SFT2D2: variants seen among roughly 807,000 people sequenced by gnomAD.
The protein encoded by SFT2D2 is SFT2 domain containing 2.
In SFT2D2, 21 loss-of-function variants were observed where a neutral mutation model predicts 27.4. The ratio of observed to expected loss-of-function variants is 0.77; its 90% CI spans 0.54 to 1.10. SFT2D2 has a LOEUF of 1.10. Among genes scored for constraint, SFT2D2 ranks in the 50% least tolerant of loss-of-function variants. SFT2D2 has a pLI of 0.00. For synonymous variants in SFT2D2, 72 were observed against 71.7 expected, an observed-to-expected ratio of 1.00 and a Z score of -0.02; for missense variants, 187 against 194.2, an observed-to-expected ratio of 0.96 and a Z score of 0.22.
chr1:168,235,481 T>A (rs1394689210), intron 4 of SFT2D2, among the ~76,000 whole-genome samples: 1 of 152,190 alleles, frequency 6.6e-6, no homozygotes, highest in Non-Finnish European at 1.5e-5. Context: ...CTCAGACACC[T>A]TCCTGGTGAC....
At chr1:168,238,398 G>A (rs1296450426) in intron 6 of SFT2D2, among the ~76,000 whole-genome samples, 1 of 152,096 alleles carries the variant, frequency 6.6e-6, no homozygotes, top group Non-Finnish European at 1.5e-5. Flanking sequence ...GGCTCACACT[G>A]TAATGCCAAG....
In SFT2D2 at chr1:168,242,651, C is replaced by T. The variant is rs140180461; in HGVS notation, c.*111C>T. 6.9e-6 allele frequency: 9 copies of T among 1,298,018 alleles called. No homozygotes were observed. In the East Asian group the frequency reaches 2.1e-4, roughly 30 times the overall value. The allele number at this position is 1,298,018 out of a possible 1,614,324, so 80.4% of individuals were successfully genotyped here. On this transcript the variant is annotated 3_prime_UTR_variant, in exon 8 of 8. Coordinates refer to ENST00000271375, the MANE Select transcript of SFT2D2 (RefSeq NM_199344.3). ...TTACAGACATGTGCCTTTTATCTTG[C>T]AGCAATGTGTTGCTTGTGATTCGAA...
rs1374530502 is a variant in SFT2D2 at position 168,251,746 on chromosome 1, C to T, written c.*9206C>T. 2 of 150,964 alleles carry T rather than the reference C, an allele frequency of 1.3e-5. No homozygotes were observed. Among genetic ancestry groups the T allele is most frequent in the East Asian group, 1.9e-4 (1 of 5,158 alleles). The allele number at this position is 150,964 out of a possible 1,614,324, so 9.4% of individuals were successfully genotyped here. A position where few individuals can be genotyped will look rare whatever the true frequency, so the allele number is the denominator to read the frequency against. Reference sequence around the variant, plus strand: ...TTTTTTTTAGTAAGCTTAAGATGTCCAGTAGTTTATTTGCAGACAGCATTT... The same window carrying T: ...TTTTTTTTAGTAAGCTTAAGATGTCTAGTAGTTTATTTGCAGACAGCATTT... On this transcript the variant is annotated 3_prime_UTR_variant, in exon 8 of 8. Coordinates refer to ENST00000271375, the MANE Select transcript of SFT2D2 (RefSeq NM_199344.3).
chr1:168,237,862 T>TA (rs781562381), intron 6 of SFT2D2, among the ~76,000 whole-genome samples: 1 of 74,242 alleles, frequency 1.3e-5, no homozygotes, highest in African/African-American at 4.5e-5. Context: ...TGTGTGTATG[T>TA]TTTTTTTTTT....
chr1:168,226,732 GTC>G (rs1310694708), intron 1 of SFT2D2, among the ~76,000 whole-genome samples: 1 of 152,220 alleles, frequency 6.6e-6, no homozygotes, highest in Non-Finnish European at 1.5e-5. Flanking sequence ...CACATCTTGT[GTC>G]TCTGTCCACA....
Position 168,236,593 on chromosome 1 carries a change from G to A in SFT2D2, c.323G>A (p.Cys108Tyr). The stretch of plus-strand genomic sequence containing the variant: ...ATGTTTCCTTTCTTCCTTTAGTTGT[G>A]TTTTGCACTTACCCTGTGTTCTGCC... ...RLIATIMVLL[C>Y]FALTLCSAFW... Residue 108 changes from cysteine to tyrosine, a missense_variant, in exon 5 of 8, where the codon TGT becomes TAT. Physicochemically the swap from Cys to Tyr is radical, Grantham distance 194. Coordinates refer to ENST00000271375, the MANE Select transcript of SFT2D2 (RefSeq NM_199344.3). 1 of 1,612,450 alleles carries A rather than the reference G, an allele frequency of 6.2e-7. No homozygotes were observed. Among genetic ancestry groups the A allele is most frequent in the African/African-American group, 1.3e-5 (1 of 74,812 alleles).
rs192471633 is a variant in SFT2D2 at position 168,242,453 on chromosome 1, C to T, written c.444-48C>T. 36 of 1,612,680 alleles carry T rather than the reference C, an allele frequency of 2.2e-5. No homozygotes were observed. In the East Asian group the frequency reaches 5.1e-4, roughly 23 times the overall value. On this transcript the variant is annotated intron_variant, in intron 7 of 7. Transcript: ENST00000271375. ...CTCTGGGTGCCCTCTAAAGGAGTGCCTTTGGGGTGATGACGTTCCACTCAT... is the reference window on the plus strand; with the variant it reads ...CTCTGGGTGCCCTCTAAAGGAGTGCTTTTGGGGTGATGACGTTCCACTCAT...
rs1380040860 is a variant in SFT2D2 at position 168,235,120 on chromosome 1, C to G, written c.256C>G (p.Pro86Ala). 1 of 1,614,170 alleles carries G rather than the reference C, an allele frequency of 6.2e-7. No individual in the cohort carries two copies. The highest frequency in any genetic ancestry group is 1.1e-5 in the South Asian group (1 of 91,086). Reference sequence around the variant, plus strand: ...TTTTAGTACCATCTTCCTCATGGGACCAGTGAAACAGCTGAAGCGAATGTT... The same window carrying G: ...TTTTAGTACCATCTTCCTCATGGGAGCAGTGAAACAGCTGAAGCGAATGTT... ...SIGSTIFLMG[P>A]VKQLKRMFEP... Residue 86 changes from proline (P) to alanine (A), a missense_variant, in exon 4 of 8, where the codon CCA (proline) becomes GCA (alanine). Pro to Ala is a conservative substitution (Grantham distance 27, BLOSUM62 -1). Coordinates refer to ENST00000271375, the MANE Select transcript of SFT2D2 (RefSeq NM_199344.3).
chr1:168,228,427 G>A (rs781000931), intron 1 of SFT2D2, among the ~76,000 whole-genome samples: 4 of 152,158 alleles, frequency 2.6e-5, no homozygotes, highest in Non-Finnish European at 5.9e-5. Context: ...GGTGTGACTA[G>A]TTCTATTTCT....
intron 3 of SFT2D2, among the ~76,000 whole-genome samples, chr1:168,233,478 T>G (rs1417072418): frequency 6.6e-6 from 1 of 152,250 alleles, no homozygotes; most frequent in Non-Finnish European, 1.5e-5. Context: ...TACCCAAACT[T>G]AGCTCTGTGT....
In SFT2D2 at chr1:168,250,254, C is replaced by A. The variant is rs1472638003; in HGVS notation, c.*7714C>A. On this transcript the variant is annotated 3_prime_UTR_variant, in exon 8 of 8. Transcript: ENST00000271375. Reference sequence around the variant, plus strand: ...AAGTTGCCTTATTCTTTGGTTGTTTCCCTACTTGTTTTTGTTAGACTGTGG... The same window carrying A: ...AAGTTGCCTTATTCTTTGGTTGTTTACCTACTTGTTTTTGTTAGACTGTGG... The A allele has an allele frequency of 6.6e-6, 1 of 152,158 alleles. No homozygotes were observed. Among genetic ancestry groups the A allele is most frequent in the Non-Finnish European group, 1.5e-5 (1 of 68,042 alleles). 9.4% of individuals were successfully genotyped at this position (152,158 alleles called of 1,614,324 possible).
At chr1:168,229,884 G>A (rs935833448) in intron 1 of SFT2D2, among the ~76,000 whole-genome samples, 1 of 152,158 alleles carries the variant, frequency 6.6e-6, no homozygotes, top group Non-Finnish European at 1.5e-5. Flanking sequence ...GTCCAAGGGG[G>A]TTTGGGAAAC....
chr1:168,240,127 A>G (rs1647610350), intron 7 of SFT2D2, among the ~76,000 whole-genome samples: 1 of 148,286 alleles, frequency 6.7e-6, no homozygotes, highest in African/African-American at 2.5e-5. Context: ...GTGAGTCGAG[A>G]TGGCGCCACT....
rs945076882 is a variant in SFT2D2, at chr1:168,248,797, T to G, written c.*6257T>G. ...TATTGGTCTATTCAGGAACTCGACT[T>G]CTTCCTGGTTTAGTCTTGGGAGGGT... On this transcript the variant is annotated 3_prime_UTR_variant, in exon 8 of 8. Transcript: ENST00000271375. The G allele has an allele frequency of 6.6e-5, 10 of 152,242 alleles. No individual in the cohort carries two copies. The highest frequency in any genetic ancestry group is 1.5e-4 in the Non-Finnish European group (10 of 68,048). 9.4% of individuals were successfully genotyped at this position (152,242 alleles called of 1,614,324 possible).
intron 1 of SFT2D2, among the ~76,000 whole-genome samples, chr1:168,230,556 C>G (rs1348822652): frequency 2.6e-5 from 4 of 152,136 alleles, no homozygotes; most frequent in Non-Finnish European, 4.4e-5. Flanking sequence ...TCACTGCAAC[C>G]TCCACCTCCC....
In SFT2D2 at chr1:168,244,178, T is replaced by G. The variant is rs1466724701; in HGVS notation, c.*1638T>G. 2 of 152,686 alleles carry G rather than the reference T, an allele frequency of 1.3e-5. No individual in the cohort carries two copies. Among genetic ancestry groups the G allele is most frequent in the Non-Finnish European group, 2.9e-5 (2 of 68,552 alleles). 9.5% of individuals were successfully genotyped at this position (152,686 alleles called of 1,614,324 possible). On this transcript the variant is annotated 3_prime_UTR_variant, in exon 8 of 8. Transcript: ENST00000271375. ...TGTGGCTAAGAACTCTGACTGGTTT[T>G]TTTTTTTTTTTCTTTTTGAGATGGA...
chr1:168,245,973 A>G lies in SFT2D2; in HGVS notation c.*3433A>G, dbSNP rs1002900958. 5.7e-6 allele frequency: 1 copy of G among 176,366 alleles called. No individual in the cohort carries two copies. Among genetic ancestry groups the G allele is most frequent in the Non-Finnish European group, 1.2e-5 (1 of 83,122 alleles). 10.9% of individuals were successfully genotyped at this position (176,366 alleles called of 1,614,324 possible). Reference sequence around the variant, plus strand: ...CCATTTTTCTTGAAATTGAATTCTCATCTGACCTAATTTCTTCCTTGAATC... The same window carrying G: ...CCATTTTTCTTGAAATTGAATTCTCGTCTGACCTAATTTCTTCCTTGAATC... On this transcript the variant is annotated 3_prime_UTR_variant, in exon 8 of 8. Coordinates refer to ENST00000271375, the MANE Select transcript of SFT2D2 (RefSeq NM_199344.3).
At chr1:168,230,874 C>T (rs376178759) in intron 1 of SFT2D2, among the ~76,000 whole-genome samples, 1 of 151,622 alleles carries the variant, frequency 6.6e-6, no homozygotes, top group Middle Eastern at 3.4e-3. Flanking sequence ...CTGAACTTTG[C>T]TCCAGGGAGG....
At chr1:168,240,185 A>AG (rs1318552202) in intron 7 of SFT2D2, among the ~76,000 whole-genome samples, 1 of 152,008 alleles carries the variant, frequency 6.6e-6, no homozygotes, top group Non-Finnish European at 1.5e-5. Context: ...AAAAAAAAAA[A>AG]AAAAAAAAGT....
Sources: allele counts gnomAD v4.1 joint callset (sites outside exome capture counted in the v4.1 genomes callset), GRCh38; gene constraint gnomAD v4.1.1; transcripts MANE v1.5; gene names NCBI Gene and HGNC (gene_info 2026-07-23, HGNC 2026-07-21).